The following PIK3CB variants were observed in gnomAD, a reference collection of about 807,000 sequenced individuals.
The protein encoded by PIK3CB is phosphatidylinositol 4,5-bisphosphate 3-kinase catalytic subunit beta isoform.
In PIK3CB, 39 loss-of-function variants were observed where a neutral mutation model predicts 136.8. The ratio of observed to expected loss-of-function variants is 0.29; its 90% CI spans 0.22 to 0.37. The LOEUF is 0.37. Among genes scored for constraint, PIK3CB ranks in the 10% least tolerant of loss-of-function variants. The pLI is 1.00. For missense variants in PIK3CB, 868 were observed against 1,275.4 expected (o/e 0.68, Z 4.87); for synonymous variants, 428 against 436.6 (o/e 0.98, Z 0.25).
intron 1 of PIK3CB, among the ~76,000 whole-genome samples, chr3:138,801,503 G>A (rs1360594831): frequency 6.6e-6 from 1 of 152,090 alleles, no homozygotes. Context: ...CACTAAGGAA[G>A]GAGGACTGCT....
At chr3:138,762,917 A>C in intron 2 of PIK3CB, among the ~76,000 whole-genome samples, 1 of 151,460 alleles carries the variant, frequency 6.6e-6, no homozygotes, top group East Asian at 1.9e-4. Context: ...CCAAGATTAC[A>C]CCACTGCACT....
intron 2 of PIK3CB, among the ~76,000 whole-genome samples, chr3:138,761,098 C>G (rs1470074061): frequency 6.6e-6 from 1 of 152,154 alleles, no homozygotes; most frequent in Non-Finnish European, 1.5e-5. Context: ...TCGTCCGTGT[C>G]TGTCTTGTTG....
At chr3:138,687,394 G>A (rs910760801) in intron 16 of PIK3CB, among the ~76,000 whole-genome samples, 1 of 152,152 alleles carries the variant, frequency 6.6e-6, no homozygotes, top group African/African-American at 2.4e-5. Flanking sequence ...GGCTTTGGCA[G>A]AAAATTTGAA....
chr3:138,785,150 G>A (rs1372427388), intron 2 of PIK3CB, among the ~76,000 whole-genome samples: 1 of 151,546 alleles, frequency 6.6e-6, no homozygotes, highest in Non-Finnish European at 1.5e-5. Flanking sequence ...GAGATGGGGG[G>A]CAGCCCCCGC....
Position 138,708,263 on chromosome 3 carries a change from CTTT to C in PIK3CB, c.1400-977_1400-975del, listed in dbSNP as rs61178842. Among the ~76,000 whole-genome samples, 56 of 108,864 alleles carry C rather than the reference CTTT, an allele frequency of 5.1e-4. 1 individual carries two copies. Among genetic ancestry groups the C allele is most frequent in the African/African-American group, 1.4e-3 (43 of 29,994 alleles). 71.4% of individuals were successfully genotyped at this position (108,864 alleles called of 152,430 possible). ...CTCACGGACTCAATTTTTTCTTTTT[CTTT>C]TTTTTTTTTTTTTTTTGAGACAGGG... On this transcript the variant is annotated intron_variant, in intron 10 of 23. Transcript: ENST00000674063.
At chr3:138,684,343 T>C (rs1037780244) in intron 17 of PIK3CB, among the ~76,000 whole-genome samples, 9 of 152,228 alleles carry the variant, frequency 5.9e-5, no homozygotes, top group African/African-American at 1.4e-4. Flanking sequence ...CTTATTAGGA[T>C]TGTCAACTCT....
chr3:138,698,935 T>C lies in PIK3CB; in HGVS notation c.1742A>G (p.Lys581Arg), dbSNP rs768028614. The stretch of plus-strand genomic sequence containing the variant: ...AGCAACATCCTCAAGTTTATTCCAC[T>C]TGATTGACAGCAGTAATTTTGGCAG... ...QSLPKLLLSI[K>R]WNKLEDVAQL... Residue 581 changes from lysine to arginine, a missense_variant, in exon 13 of 24, where the codon AAG (lysine) becomes AGG (arginine). Lys to Arg is a conservative substitution (Grantham distance 26). Around this residue, in one of 4 missense-constraint regions of PIK3CB, gnomAD observed 612 missense variants for 801.1 expected, o/e 0.76. Coordinates refer to ENST00000674063, the MANE Select transcript of PIK3CB (RefSeq NM_006219.3). 25 of 1,600,070 alleles carry C rather than the reference T, an allele frequency of 1.6e-5. No homozygotes were observed. The highest frequency in any genetic ancestry group is 2.1e-5 in the Non-Finnish European group (25 of 1,170,598).
At chr3:138,784,160 T>C (rs1409854116) in intron 2 of PIK3CB, among the ~76,000 whole-genome samples, 1 of 152,134 alleles carries the variant, frequency 6.6e-6, no homozygotes, top group Non-Finnish European at 1.5e-5. Context: ...GGAAGACAAG[T>C]GGATCACCTG....
intron 1 of PIK3CB, among the ~76,000 whole-genome samples, chr3:138,830,936 T>TAATA (rs1449171407): frequency 6.9e-6 from 1 of 145,510 alleles, no homozygotes; most frequent in Non-Finnish European, 1.5e-5. Flanking sequence ...ATAATAATAA[T>TAATA]AATAATAATA....
chr3:138,745,197 T>C (rs1695222409), intron 4 of PIK3CB, among the ~76,000 whole-genome samples: 1 of 152,192 alleles, frequency 6.6e-6, no homozygotes, highest in South Asian at 2.1e-4. Context: ...TAAAGGTCCT[T>C]ATGACCTCCT....
At chr3:138,761,649 A>G (rs1576398143) in intron 2 of PIK3CB, among the ~76,000 whole-genome samples, 1 of 152,324 alleles carries the variant, frequency 6.6e-6, no homozygotes, top group East Asian at 1.9e-4. Context: ...GGGTGCCTGT[A>G]ATCCCAGCTA....
rs541582879 is a variant in PIK3CB, at chr3:138,768,029, G to T, written c.-16-8670C>A. Among the ~76,000 whole-genome samples the T allele has an allele frequency of 2.6e-5, 4 of 152,340 alleles. No homozygotes were observed. In the South Asian group the frequency reaches 6.2e-4, roughly 24 times the overall value. ...TGAAGTACGCAGCCAAGCGGAGGGT[G>T]AGCAAGACAAAGAGGAGCTTTACTG... On this transcript the variant is annotated intron_variant, in intron 2 of 23. Coordinates refer to ENST00000674063, the MANE Select transcript of PIK3CB (RefSeq NM_006219.3).
chr3:138,778,150 G>A (rs953258560), intron 2 of PIK3CB: 2 of 438,748 alleles, frequency 4.6e-6, no homozygotes, highest in Admixed American at 2.5e-5. Context: ...GAAGGCTGGG[G>A]CTCATTTAAA....
intron 1 of PIK3CB, among the ~76,000 whole-genome samples, chr3:138,815,176 T>C (rs1349809278): frequency 8.6e-5 from 8 of 92,940 alleles, no homozygotes; most frequent in South Asian, 3.3e-4. Flanking sequence ...TATATATATA[T>C]ACATATATAT....
intron 1 of PIK3CB, among the ~76,000 whole-genome samples, chr3:138,812,403 A>T (rs1274767192): frequency 6.6e-6 from 1 of 150,624 alleles, no homozygotes; most frequent in East Asian, 2.0e-4. Context: ...CTCCTGGCTA[A>T]TTTTTGTATT....
At chr3:138,717,504 C>A (rs1374317532) in intron 8 of PIK3CB, among the ~76,000 whole-genome samples, 2 of 150,752 alleles carry the variant, frequency 1.3e-5, no homozygotes, top group African/African-American at 4.9e-5. Context: ...TTAAATGAAA[C>A]CATGAATGAA....
At position 138,691,033 on chromosome 3, in the gene PIK3CB, C is replaced by T. The variant is rs1319089813; in HGVS notation, c.2003G>A (p.Arg668Gln). 18 of 1,613,076 alleles carry T rather than the reference C, an allele frequency of 1.1e-5. 1 individual carries two copies. Among genetic ancestry groups the T allele is most frequent in the South Asian group, 9.9e-5 (9 of 90,984 alleles). Residue 668 changes from arginine to glutamine, a missense_variant, in exon 15 of 24, where the codon CGG (arginine) becomes CAG (glutamine). By Grantham distance (43) the Arg-to-Gln change is conservative. Coordinates refer to ENST00000674063, the MANE Select transcript of PIK3CB (RefSeq NM_006219.3). Reference protein sequence around the residue: ...RFLLERALGNRRIGQFLFWHL... With the variant: ...RFLLERALGNQRIGQFLFWHL... ...CCAAAATAGAAACTGCCCTATCCTC[C>T]GATTACCAAGTGCTCTTTCTAATAG...
chr3:138,687,538 T>C (rs895006206), intron 16 of PIK3CB, among the ~76,000 whole-genome samples: 3 of 152,154 alleles, frequency 2.0e-5, no homozygotes, highest in African/African-American at 4.8e-5. Flanking sequence ...AATCAAATCA[T>C]AGCTCACTGC....
chr3:138,812,239 G>GTT lies in PIK3CB; in HGVS notation c.-121-15674_-121-15673dup, dbSNP rs35484938. Among the ~76,000 whole-genome samples, 498 of 148,334 alleles carry GTT rather than the reference G, an allele frequency of 3.4e-3. 5 individuals carry two copies. Among genetic ancestry groups the GTT allele is most frequent in the African/African-American group, 0.01 (403 of 39,992 alleles). The stretch of plus-strand genomic sequence containing the variant: ...GGGCTATAAAAAGGTAGAATGAGAG[G>GTT]TTTTTTTTTTTTTGGGGGGACAGAG... On this transcript the variant is annotated intron_variant, in intron 1 of 23. Transcript: ENST00000674063.
Sources: allele counts gnomAD v4.1 joint callset (sites outside exome capture counted in the v4.1 genomes callset), GRCh38; gene constraint gnomAD v4.1.1; regional missense constraint gnomAD v4.1.1; transcripts MANE v1.5; gene names NCBI Gene and HGNC (gene_info 2026-07-23, HGNC 2026-07-21).